PPP1R12B: variants seen among roughly 807,000 people sequenced by gnomAD.
PPP1R12B encodes the protein protein phosphatase 1 regulatory subunit 12B.
In PPP1R12B, 76 loss-of-function variants were observed where a neutral mutation model predicts 126.1. That is an observed-to-expected ratio of 0.60 (90% confidence interval 0.50 to 0.73). The LOEUF is 0.73. Among genes scored for constraint, PPP1R12B ranks in the 30% least tolerant of loss-of-function variants. The probability of loss-of-function intolerance (pLI) is 0.00; values close to 1 mark genes in which losing one functional copy is unlikely to be tolerated. For missense variants in PPP1R12B, 1,052 were observed against 1,205.1 expected (o/e 0.87, Z 1.88); for synonymous variants, 356 against 434.7 (o/e 0.82, Z 2.25).
At position 202,392,612 on chromosome 1, in the gene PPP1R12B, C is replaced by A. The variant is rs141686134; in HGVS notation, c.292-24175C>A. On this transcript the variant is annotated intron_variant, in intron 1 of 23. Transcript: ENST00000608999. ...TCTTGTCTCACTGCAACCTCTGCCT[C>A]CTGGGCTTAAGTGATGCTCCCACCC... Among the ~76,000 whole-genome samples, 1,059 of 151,162 alleles carry A rather than the reference C, an allele frequency of 7.0e-3. 13 individuals carry two copies. The highest frequency in any genetic ancestry group is 0.025 in the African/African-American group (1,020 of 41,160).
chr1:202,489,702 A>G (rs983265748), intron 14 of PPP1R12B, among the ~76,000 whole-genome samples: 1 of 152,212 alleles, frequency 6.6e-6, no homozygotes, highest in African/African-American at 2.4e-5. Flanking sequence ...GCTGGGGGGA[A>G]GGCAGAATGG....
At chr1:202,372,792 A>G (rs1660514355) in intron 1 of PPP1R12B, among the ~76,000 whole-genome samples, 1 of 152,138 alleles carries the variant, frequency 6.6e-6, no homozygotes, top group Non-Finnish European at 1.5e-5. Context: ...AAAAATAAAA[A>G]AGTAAAAAAT....
intron 23 of PPP1R12B, among the ~76,000 whole-genome samples, chr1:202,578,179 A>C (rs1689264062): frequency 6.6e-6 from 1 of 152,138 alleles, no homozygotes; most frequent in Non-Finnish European, 1.5e-5. Flanking sequence ...TTTTTTTTCA[A>C]GGAATTGACT....
chr1:202,374,567 G>A (rs541359679), intron 1 of PPP1R12B, among the ~76,000 whole-genome samples: 28 of 126,888 alleles, frequency 2.2e-4, no homozygotes, highest in African/African-American at 7.0e-4. Flanking sequence ...GCGCAATCTC[G>A]GCTCACTTGC....
At chr1:202,507,276 C>CT (rs1243411403) in intron 18 of PPP1R12B, among the ~76,000 whole-genome samples, 2 of 152,190 alleles carry the variant, frequency 1.3e-5, no homozygotes, top group African/African-American at 4.8e-5. Context: ...ATCCAAATCT[C>CT]TGACTGCTTC....
rs1558313862 is a variant in PPP1R12B, at chr1:202,508,182, T to G, written c.2490+11360T>G. ...CTGTCTCAGTCTTCAGTAAAGCAAG[T>G]TCAAGGATCAGATAGCAGCCATTTA... On this transcript the variant is annotated intron_variant, in intron 18 of 23. Transcript: ENST00000608999. This position sits in a 1 kb window ranked among gnomAD's most constrained non-coding sequence, Gnocchi z 4.5. Among the ~76,000 whole-genome samples, 1 of 152,194 alleles carries G rather than the reference T, an allele frequency of 6.6e-6. No individual in the cohort carries two copies. Among genetic ancestry groups the G allele is most frequent in the Non-Finnish European group, 1.5e-5 (1 of 68,022 alleles).
intron 18 of PPP1R12B, among the ~76,000 whole-genome samples, chr1:202,555,443 G>C (rs1182812571): frequency 2.3e-5 from 3 of 131,536 alleles, no homozygotes; most frequent in Non-Finnish European, 4.8e-5. Context: ...CAACAAATAG[G>C]ATATTTACAA....
chr1:202,503,125 A>G (rs1377594861), intron 18 of PPP1R12B, among the ~76,000 whole-genome samples: 9 of 152,230 alleles, frequency 5.9e-5, no homozygotes, highest in African/African-American at 2.2e-4. Context: ...ACAGTAATCC[A>G]GGAGAAAACT....
chr1:202,520,919 G>A (rs1430957920), intron 18 of PPP1R12B, among the ~76,000 whole-genome samples: 2 of 152,190 alleles, frequency 1.3e-5, no homozygotes, highest in African/African-American at 4.8e-5. Flanking sequence ...GGGGTGCTAT[G>A]AATGGATATG....
intron 8 of PPP1R12B, among the ~76,000 whole-genome samples, chr1:202,432,274 C>CTTTTTTTTTT (rs879702656): frequency 9.6e-5 from 14 of 145,250 alleles, no homozygotes; most frequent in African/African-American, 3.5e-4. Flanking sequence ...TATAGGGCTT[C>CTTTTTTTTTT]TTTTTTTTTT....
At position 202,580,577 on chromosome 1, in the gene PPP1R12B, A is replaced by G; in HGVS notation, c.*17A>G. The G allele has an allele frequency of 6.3e-7, 1 of 1,598,082 alleles. No individual in the cohort carries two copies. Among genetic ancestry groups the G allele is most frequent in the Non-Finnish European group, 8.6e-7 (1 of 1,165,372 alleles). ...TCCAAGTAGGCTAGGCTCCAGATTT[A>G]TGAGGAAAGAAAGGGACAGCATTTG... is the stretch of plus-strand genomic sequence containing the variant. On this transcript the variant is annotated 3_prime_UTR_variant, in exon 24 of 24. Transcript: ENST00000608999.
At chr1:202,417,082 T>C (rs1377202812) in intron 2 of PPP1R12B, among the ~76,000 whole-genome samples, 165 bp downstream of exon 2, 1 of 152,192 alleles carries the variant, frequency 6.6e-6, no homozygotes, top group Non-Finnish European at 1.5e-5. Context: ...TAATACAATG[T>C]TTTGTAAAGT....
At chr1:202,434,605 A>G in intron 8 of PPP1R12B, 51 bp from the exon 9 acceptor site, 1 of 1,574,952 alleles carries the variant, frequency 6.3e-7, no homozygotes, top group Non-Finnish European at 8.6e-7. Flanking sequence ...ATAGACACAA[A>G]GATAAGATTT....
At chr1:202,359,691 TG>T (rs1323358153) in intron 1 of PPP1R12B, among the ~76,000 whole-genome samples, 32 of 13,282 alleles carry the variant, frequency 2.4e-3, no homozygotes, top group African/African-American at 8.0e-3. Context: ...GGGGTGGGGG[TG>T]GGGGGCGGTG....
At chr1:202,396,554 T>C (rs1433303409) in intron 1 of PPP1R12B, among the ~76,000 whole-genome samples, 1 of 152,326 alleles carries the variant, frequency 6.6e-6, no homozygotes, top group East Asian at 1.9e-4. Flanking sequence ...CTGTTACTAC[T>C]GTGATTACTA....
rs182956087 is a variant in PPP1R12B, at chr1:202,437,059, T to C, written c.1255-762T>C. 8.5e-5 allele frequency among the ~76,000 whole-genome samples: 13 copies of C among 152,280 alleles called. No homozygotes were observed. The East Asian group carries it at 2.3e-3, about 27-fold the overall frequency. On this transcript the variant is annotated intron_variant, in intron 9 of 23. Coordinates refer to ENST00000608999, the MANE Select transcript of PPP1R12B (RefSeq NM_002481.4). The stretch of plus-strand genomic sequence containing the variant: ...AAATTAGCTCATTCCTGGCAGGGCA[T>C]GGGTTCATGCCTGTAATCACAGCAC...
At chr1:202,579,244 T>A (rs1689375047) in intron 23 of PPP1R12B, among the ~76,000 whole-genome samples, 1 of 152,248 alleles carries the variant, frequency 6.6e-6, no homozygotes, top group Admixed American at 6.5e-5. Context: ...ATTATATTCC[T>A]TAAGGCACAG....
At chr1:202,485,026 G>C (rs1677895817) in intron 13 of PPP1R12B, among the ~76,000 whole-genome samples, 1 of 152,234 alleles carries the variant, frequency 6.6e-6, no homozygotes, top group African/African-American at 2.4e-5. Flanking sequence ...CTGAGGGATG[G>C]AACCACGGTA....
At chr1:202,503,499 GC>G (rs1365261069) in intron 18 of PPP1R12B, among the ~76,000 whole-genome samples, 1 of 152,202 alleles carries the variant, frequency 6.6e-6, no homozygotes, top group East Asian at 1.9e-4. Flanking sequence ...TAAGGGCCAA[GC>G]TGGAACTACA....
Sources: gnomAD v4.1 joint callset for allele counts (sites outside exome capture counted in the v4.1 genomes callset) on GRCh38, gnomAD v4.1.1 for gene constraint, Gnocchi (gnomAD v3.1) non-coding constraint, MANE v1.5 for transcripts, NCBI Gene and HGNC (gene_info 2026-07-23, HGNC 2026-07-21) for gene names.